The following CDC42EP1 variants were observed in gnomAD, a reference collection of about 807,000 sequenced individuals.
The protein encoded by CDC42EP1 is CDC42 effector protein 1, also known as 55 kDa bone marrow stromal/endothelial cell protein.
CDC42EP1 carries 6 observed loss-of-function variants against 7.4 expected under a neutral mutation model. The ratio of observed to expected loss-of-function variants is 0.81; its 90% CI spans 0.44 to 1.60. The LOEUF is 1.60. Among genes scored for constraint, CDC42EP1 ranks in the 40% most tolerant of loss-of-function variants. The probability of loss-of-function intolerance (pLI) is 0.01; values close to 1 mark genes in which losing one functional copy is unlikely to be tolerated. For missense variants in CDC42EP1, 567 were observed against 539.0 expected (o/e 1.05, Z -0.51); for synonymous variants, 238 against 227.1 (o/e 1.05, Z -0.43).
Position 37,566,819 on chromosome 22 carries a change from G to A in CDC42EP1, c.463+7G>A, listed in dbSNP as rs772856512. ...GACGGCCACTCCAGCTACGGTGAGG[G>A]CCTGGGCCATCTTGGCCCACTTTTC... On this transcript the variant is annotated splice_region_variant and intron_variant, in intron 2 of 2. Transcript: ENST00000249014. This position sits in a 1 kb window ranked among gnomAD's most constrained non-coding sequence, Gnocchi z 6.4. The A allele has an allele frequency of 9.1e-6, 14 of 1,536,520 alleles. No homozygotes were observed. The highest frequency in any genetic ancestry group is 1.2e-5 in the Non-Finnish European group (14 of 1,144,064).
intron 1 of CDC42EP1, among the ~76,000 whole-genome samples, chr22:37,565,336 C>T (rs771641999): frequency 2.6e-4 from 40 of 151,868 alleles, no homozygotes; most frequent in African/African-American, 9.4e-4. Flanking sequence ...CACAGGCATA[C>T]ACCACCACAC....
intron 1 of CDC42EP1, chr22:37,563,821 A>G (rs1171956275): frequency 6.6e-6 from 1 of 152,232 alleles, no homozygotes; most frequent in African/African-American, 2.4e-5. Context: ...GAGGACACAG[A>G]GCCCAGCCTG....
intron 1 of CDC42EP1, chr22:37,564,613 A>T (rs892649544): frequency 2.0e-5 from 3 of 152,406 alleles, no homozygotes; most frequent in African/African-American, 7.2e-5. Flanking sequence ...AAGGGAGGTG[A>T]CTTACTCAGT....
intron 1 of CDC42EP1, among the ~76,000 whole-genome samples, chr22:37,562,571 C>G (rs1313974115): frequency 6.6e-6 from 1 of 152,184 alleles, no homozygotes; most frequent in Admixed American, 6.5e-5. Context: ...TGTGCTGTTC[C>G]GTTTTCCACA....
intron 1 of CDC42EP1, among the ~76,000 whole-genome samples, 167 bp from the exon 2 acceptor site, chr22:37,565,905 A>G (rs1925217164): frequency 6.6e-6 from 1 of 151,758 alleles, no homozygotes. Context: ...CTATACACAG[A>G]CTCACTTGGG....
intron 1 of CDC42EP1, among the ~76,000 whole-genome samples, 179 bp downstream of exon 1, chr22:37,560,767 A>G (rs1028541774): frequency 8.6e-5 from 13 of 151,698 alleles, no homozygotes; most frequent in Admixed American, 5.2e-4. Flanking sequence ...GAGCCGCGCG[A>G]GGAAACTCCG....
rs1267901236 is a variant in CDC42EP1 at position 37,568,259 on chromosome 22, A to G, written c.615A>G (p.Ser205=). Residue 205 remains serine, a synonymous_variant, in exon 3 of 3, where the codon TCA becomes TCG. Transcript: ENST00000249014. ...GCCTGGACCTCGACCTTGGGCCCTC[A>G]CTCCTCAGCGAGCTGCTAGGGGTCA... ...SFRLDLDLGP[S]LLSELLGVMS... 1.2e-6 allele frequency: 2 copies of G among 1,612,194 alleles called. No individual in the cohort carries two copies. The highest frequency in any genetic ancestry group is 1.7e-6 in the Non-Finnish European group (2 of 1,179,656).
At chr22:37,561,724 G>T (rs566124380) in intron 1 of CDC42EP1, among the ~76,000 whole-genome samples, 1 of 152,280 alleles carries the variant, frequency 6.6e-6, no homozygotes, top group African/African-American at 2.4e-5. Flanking sequence ...CCAGCTGGAT[G>T]CCCGCAGGAA....
intron 2 of CDC42EP1, among the ~76,000 whole-genome samples, chr22:37,567,692 G>T (rs113447447): frequency 6.6e-6 from 1 of 152,214 alleles, no homozygotes; most frequent in African/African-American, 2.4e-5. Flanking sequence ...CCACAAACCA[G>T]CTCACGTGCT....
chr22:37,568,417 ACCCCTCAGCACCTGCCGCAAC>A lies in CDC42EP1; in HGVS notation c.778_798del (p.Ser260_Pro266del). 1 of 345,720 alleles carries A rather than the reference ACCCCTCAGCACCTGCCGCAAC, an allele frequency of 2.9e-6. No individual in the cohort carries two copies. Among genetic ancestry groups the A allele is most frequent in the Non-Finnish European group, 4.8e-6 (1 of 208,048 alleles). 21.4% of individuals were successfully genotyped at this position (345,720 alleles called of 1,614,324 possible). On this transcript the variant is annotated inframe_deletion, in exon 3 of 3. Transcript: ENST00000249014. ...GCAAACCCCCCAGCGCCTGCTGCAA[ACCCCTCAGCACCTGCCGCAAC>A]CCCCACGGGTCCTGCTGCAAATCCC...
chr22:37,566,011 A>T lies in CDC42EP1; in HGVS notation c.-278-61A>T, dbSNP rs1262701210. Reference sequence around the variant, plus strand: ...ATCCTCTTCAGCTGCTAATGTTTGGACCCCGGATTTCCTCCTCTGTCGCGG... The same window carrying T: ...ATCCTCTTCAGCTGCTAATGTTTGGTCCCCGGATTTCCTCCTCTGTCGCGG... On this transcript the variant is annotated intron_variant, in intron 1 of 2. Coordinates refer to ENST00000249014, the MANE Select transcript of CDC42EP1 (RefSeq NM_152243.3). The surrounding 1 kb of genome is among the most constrained non-coding windows in gnomAD (Gnocchi z 6.4). 2.9e-5 allele frequency: 7 copies of T among 245,552 alleles called. No individual in the cohort carries two copies. The East Asian group carries it at 4.6e-4, about 16-fold the overall frequency. The allele number at this position is 245,552 out of a possible 1,614,324, so 15.2% of individuals were successfully genotyped here.
At chr22:37,562,541 C>G (rs144688173) in intron 1 of CDC42EP1, among the ~76,000 whole-genome samples, 2,845 of 152,336 alleles carry the variant, frequency 0.019, 51 homozygotes, top group Non-Finnish European at 0.028. Flanking sequence ...TGCAACTCCC[C>G]TGGGAGGGGA....
At position 37,568,464 on chromosome 22, in the gene CDC42EP1, C is replaced by A. The variant is rs762377855; in HGVS notation, c.820C>A (p.Pro274Thr). 4 of 1,602,700 alleles carry A rather than the reference C, an allele frequency of 2.5e-6. No individual in the cohort carries two copies. Among genetic ancestry groups the A allele is most frequent in the Non-Finnish European group, 1.7e-6 (2 of 1,173,854 alleles). Reference sequence around the variant, plus strand: ...CCCCACGGGTCCTGCTGCAAATCCCCCAGCCCCTGCCGCAAGCTCCACACC... The same window carrying A: ...CCCCACGGGTCCTGCTGCAAATCCCACAGCCCCTGCCGCAAGCTCCACACC... ...ATPTGPAANP[P>T]APAASSTPHG... is the part of the protein sequence containing the mutation. Residue 274 changes from proline (P) to threonine (T), a missense_variant, in exon 3 of 3, where the codon CCA becomes ACA. Pro to Thr is a conservative substitution (Grantham distance 38, BLOSUM62 -1). Coordinates refer to ENST00000249014, the MANE Select transcript of CDC42EP1 (RefSeq NM_152243.3).
At chr22:37,561,900 C>T (rs1270540379) in intron 1 of CDC42EP1, among the ~76,000 whole-genome samples, 1 of 152,238 alleles carries the variant, frequency 6.6e-6, no homozygotes, top group African/African-American at 2.4e-5. Context: ...TCCACAGCGA[C>T]CCCTGTTGGC....
In CDC42EP1 at chr22:37,568,180, G is replaced by T. The variant is rs758382006; in HGVS notation, c.536G>T (p.Gly179Val). The change falls in exon 3 of 3, where the codon GGT becomes GTT. Residue 179 changes from glycine (G) to valine (V), a missense_variant. Transcript: ENST00000249014. ...AAGCCGCATGACCGAGACCGGGATG[G>T]TTCCTTCCCCTCTGAGCCCGGGCTT... ...SEKPHDRDRD[G>V]SFPSEPGLRR... The T allele has an allele frequency of 1.5e-5, 25 of 1,613,914 alleles. No individual in the cohort carries two copies. The South Asian group carries it at 2.4e-4, about 16-fold the overall frequency.
chr22:37,566,135 T>C lies in CDC42EP1; in HGVS notation c.-215T>C, dbSNP rs1601837497. 1 of 438,404 alleles carries C rather than the reference T, an allele frequency of 2.3e-6. No homozygotes were observed. Among genetic ancestry groups the C allele is most frequent in the Non-Finnish European group, 4.0e-6 (1 of 248,746 alleles). 27.2% of individuals were successfully genotyped at this position (438,404 alleles called of 1,614,324 possible). On this transcript the variant is annotated 5_prime_UTR_variant, in exon 2 of 3. Coordinates refer to ENST00000249014, the MANE Select transcript of CDC42EP1 (RefSeq NM_152243.3). This position sits in a 1 kb window ranked among gnomAD's most constrained non-coding sequence, Gnocchi z 6.4. The stretch of plus-strand genomic sequence containing the variant: ...GGGGTGCTTTCTCTGCGCTTGAACA[T>C]CTATAGCTGCTTCTGAGGGGCTGGG...
rs777109425 is a variant in CDC42EP1, at chr22:37,566,523, C to T, written c.174C>T (p.Phe58=). ...TMHVGRGGDV[F]GDTSFLSNHG... ...ATGTGGGCCGTGGCGGGGATGTCTT[C>T]GGGGACACGTCCTTCCTCAGCAACC... The change falls in exon 2 of 3, where the codon TTC becomes TTT. Residue 58 remains phenylalanine (F), a synonymous_variant. Transcript: ENST00000249014. This position sits in a 1 kb window ranked among gnomAD's most constrained non-coding sequence, Gnocchi z 6.4. The T allele has an allele frequency of 7.6e-5, 123 of 1,611,648 alleles. No individual in the cohort carries two copies. The highest frequency in any genetic ancestry group is 9.6e-5 in the Non-Finnish European group (113 of 1,178,538).
rs774982287 is a variant in CDC42EP1, at chr22:37,568,814, G to C, written c.1170G>C (p.Lys390Asn). 3 of 1,480,416 alleles carry C rather than the reference G, an allele frequency of 2.0e-6. No individual in the cohort carries two copies. The South Asian group carries it at 4.4e-5, about 22-fold the overall frequency. The allele number at this position is 1,480,416 out of a possible 1,614,324, so 91.7% of individuals were successfully genotyped here. ...ATGCTGAGGAGGATGATGAGGTCAA[G>C]GTGTGAGGGGCTGGGGCACGGTCCC... ...FADAEEDDEV[K>N]V is the part of the protein sequence containing the mutation. The change falls in exon 3 of 3, where the codon AAG becomes AAC. Residue 390 changes from lysine (K) to asparagine (N), a missense_variant. Physicochemically the swap from Lys to Asn is moderately conservative, Grantham distance 94. Coordinates refer to ENST00000249014, the MANE Select transcript of CDC42EP1 (RefSeq NM_152243.3).
In CDC42EP1 at chr22:37,566,597, C is replaced by T; in HGVS notation, c.248C>T (p.Ala83Val). The T allele has an allele frequency of 6.3e-7, 1 of 1,599,876 alleles. No homozygotes were observed. Among genetic ancestry groups the T allele is most frequent in the South Asian group, 1.1e-5 (1 of 89,784 alleles). The change falls in exon 2 of 3, where the codon GCC (alanine) becomes GTC (valine). Residue 83 changes from alanine to valine, a missense_variant. Physicochemically the swap from Ala to Val is moderately conservative, Grantham distance 64. Coordinates refer to ENST00000249014, the MANE Select transcript of CDC42EP1 (RefSeq NM_152243.3). This position sits in a 1 kb window ranked among gnomAD's most constrained non-coding sequence, Gnocchi z 6.4. ...STHRSPRSFL[A>V]KKLQLVRRVG... is the part of the protein sequence containing the mutation. ...CATCGCTCACCCCGCAGCTTCCTGG[C>T]CAAGAAGCTGCAGCTGGTGCGGAGG... is the stretch of plus-strand genomic sequence containing the variant.
Sources: gnomAD v4.1 joint callset for allele counts (sites outside exome capture counted in the v4.1 genomes callset) on GRCh38, gnomAD v4.1.1 for gene constraint, Gnocchi (gnomAD v3.1) non-coding constraint, MANE v1.5 for transcripts, NCBI Gene and HGNC (gene_info 2026-07-23, HGNC 2026-07-21) for gene names.